Variants in DPP6 observed in about 807,000 individuals in gnomAD.
The protein encoded by DPP6 is A-type potassium channel modulatory protein DPP6.
DPP6 carries 69 observed loss-of-function variants against 122.6 expected under a neutral mutation model. That is an observed-to-expected ratio of 0.56 (90% confidence interval 0.46 to 0.69). The LOEUF is 0.69. Ranked by LOEUF, DPP6 falls within the 30% of genes least tolerant of loss-of-function variation. The probability of loss-of-function intolerance (pLI) is 0.00; values close to 1 mark genes in which losing one functional copy is unlikely to be tolerated. For synonymous variants in DPP6, 418 were observed against 433.1 expected (o/e 0.97, Z 0.43); for missense variants, 928 against 1,116.9 (o/e 0.83, Z 2.41).
chr7:154,331,239 A>G (rs1563492382), intron 1 of DPP6, among the ~76,000 whole-genome samples: 2 of 152,150 alleles, frequency 1.3e-5, no homozygotes, highest in Non-Finnish European at 2.9e-5. Flanking sequence ...TCATTCATCT[A>G]TCATTACCTC....
chr7:154,271,373 C>T (rs1803779389), intron 1 of DPP6, among the ~76,000 whole-genome samples: 1 of 152,046 alleles, frequency 6.6e-6, no homozygotes, highest in East Asian at 1.9e-4. Context: ...GAGGAAGAGC[C>T]TATTGAAATC....
At chr7:153,946,117 C>T (rs1801937139) in intron 1 of DPP6, among the ~76,000 whole-genome samples, 1 of 152,196 alleles carries the variant, frequency 6.6e-6, no homozygotes, top group Non-Finnish European at 1.5e-5. Context: ...GAAAGGGGTC[C>T]AGTCCAGACC....
At chr7:153,984,169 G>T (rs1379524615) in intron 1 of DPP6, among the ~76,000 whole-genome samples, 2 of 151,992 alleles carry the variant, frequency 1.3e-5, no homozygotes, top group African/African-American at 4.8e-5. Flanking sequence ...CAGCAAATTT[G>T]TGGGTATCCC....
chr7:154,383,320 A>G (rs1813791113), intron 1 of DPP6, among the ~76,000 whole-genome samples: 1 of 152,200 alleles, frequency 6.6e-6, no homozygotes, highest in Non-Finnish European at 1.5e-5. Context: ...AACTCATAAA[A>G]TACAATTTCC....
chr7:153,872,301 A>G, the DPP6 span, among the ~76,000 whole-genome samples: 3 of 152,272 alleles, frequency 2.0e-5, no homozygotes, highest in African/African-American at 7.2e-5. Flanking sequence ...GTGCACTTAT[A>G]TCTTGTATAT....
chr7:154,417,971 C>T (rs988736870), intron 1 of DPP6, among the ~76,000 whole-genome samples: 3 of 152,198 alleles, frequency 2.0e-5, no homozygotes, highest in African/African-American at 7.2e-5. Flanking sequence ...GGCCAAAACC[C>T]TTTCACAAGA....
intron 1 of DPP6, among the ~76,000 whole-genome samples, chr7:154,330,414 C>T (rs1808822457): frequency 6.6e-6 from 1 of 152,080 alleles, no homozygotes; most frequent in Non-Finnish European, 1.5e-5. Flanking sequence ...GACAGGTAAA[C>T]AATTGTCACA....
At chr7:154,889,585 G>T in intron 25 of DPP6, 55 bp downstream of exon 25, 1 of 1,564,812 alleles carries the variant, frequency 6.4e-7, no homozygotes, top group Non-Finnish European at 8.7e-7. Context: ...TCCTTTCATG[G>T]AGAAAGACCT....
rs1468863860 is a variant in DPP6, at chr7:154,727,820, C to T, written c.816C>T (p.Ala272=). The T allele has an allele frequency of 1.9e-6, 3 of 1,613,702 alleles. No homozygotes were observed. The highest frequency in any genetic ancestry group is 2.2e-5 in the South Asian group (2 of 91,048). The change falls in exon 8 of 26, where the codon GCC becomes GCT. Residue 272 remains alanine (A), a synonymous_variant. Transcript: ENST00000377770. ...IYYCAHVGKQ[A]IRVVSTGKEG... Reference sequence around the variant, plus strand: ...ACTGTGCACATGTCGGGAAACAGGCCATCCGTGTGGTCTCCACTGGCAAGG... The same window carrying T: ...ACTGTGCACATGTCGGGAAACAGGCTATCCGTGTGGTCTCCACTGGCAAGG...
the DPP6 span, among the ~76,000 whole-genome samples, chr7:153,874,692 A>G: frequency 6.6e-6 from 1 of 152,248 alleles, no homozygotes; most frequent in Non-Finnish European, 1.5e-5. Flanking sequence ...GTAGAATTAT[A>G]CCATGAAATG....
At chr7:154,668,197 T>TATATATATATATATATA (rs1838288618) in intron 6 of DPP6, among the ~76,000 whole-genome samples, 51 of 36,462 alleles carry the variant, frequency 1.4e-3, no homozygotes, top group African/African-American at 2.4e-3. Flanking sequence ...TGTGTATATT[T>TATATATATATATATATA]TATATATATA....
chr7:154,656,289 TCGG>T lies in DPP6; in HGVS notation c.681-13070_681-13068del. Among the ~76,000 whole-genome samples, 6 of 3,448 alleles carry T rather than the reference TCGG, an allele frequency of 1.7e-3. 2 individuals are homozygous for T. Among genetic ancestry groups the T allele is most frequent in the South Asian group, 7.5e-3 (1 of 134 alleles). The allele number at this position is 3,448 out of a possible 152,430, so 2.3% of individuals were successfully genotyped here. A position where few individuals can be genotyped will look rare whatever the true frequency, so the allele number is the denominator to read the frequency against. On this transcript the variant is annotated intron_variant, in intron 6 of 25. Transcript: ENST00000377770. Reference sequence around the variant, plus strand: ...GGAGAAGGGGCAGTCGAGAGGGAGGTCGGGGGAGAGCTGGGAGAAGGGGCAGTC... The same window carrying T: ...GGAGAAGGGGCAGTCGAGAGGGAGGTGGGAGAGCTGGGAGAAGGGGCAGTC...
intron 7 of DPP6, among the ~76,000 whole-genome samples, chr7:154,689,324 C>A (rs1839808035): frequency 6.6e-6 from 1 of 152,156 alleles, no homozygotes; most frequent in South Asian, 2.1e-4. Flanking sequence ...GGTTTTGTTT[C>A]TTTGGTTGGT....
At chr7:154,770,696 T>C (rs374281421) in intron 9 of DPP6, among the ~76,000 whole-genome samples, 1 of 152,184 alleles carries the variant, frequency 6.6e-6, no homozygotes, top group African/African-American at 2.4e-5. Flanking sequence ...AAGACAGTCA[T>C]GTTCTGACCC....
chr7:154,687,669 A>G (rs1021155268), intron 7 of DPP6, among the ~76,000 whole-genome samples: 12 of 152,150 alleles, frequency 7.9e-5, no homozygotes, highest in African/African-American at 2.4e-4. Flanking sequence ...TTATTTTGAT[A>G]TTCTTTGGCA....
At chr7:154,302,179 C>CA (rs1368191940) in intron 1 of DPP6, among the ~76,000 whole-genome samples, 1 of 152,130 alleles carries the variant, frequency 6.6e-6, no homozygotes, top group Non-Finnish European at 1.5e-5. Flanking sequence ...AGCAACTCCT[C>CA]ACCTCCCGCT....
chr7:154,749,140 G>A (rs192461680), intron 8 of DPP6, among the ~76,000 whole-genome samples: 6 of 148,450 alleles, frequency 4.0e-5, no homozygotes, highest in Non-Finnish European at 5.9e-5. Flanking sequence ...GAAGGATGGC[G>A]GCTTTACTGA....
intron 1 of DPP6, among the ~76,000 whole-genome samples, chr7:153,980,960 C>T (rs1267375233): frequency 6.6e-6 from 1 of 152,098 alleles, no homozygotes; most frequent in Non-Finnish European, 1.5e-5. Context: ...GAGCGTTTTA[C>T]TCCAATTATG....
the DPP6 span, among the ~76,000 whole-genome samples, chr7:153,835,393 T>C: frequency 6.6e-6 from 1 of 151,018 alleles, no homozygotes; most frequent in East Asian, 1.9e-4. Context: ...TTTATGACTG[T>C]GTGGAAAAAA....
Sources: allele counts gnomAD v4.1 joint callset (sites outside exome capture counted in the v4.1 genomes callset), GRCh38; gene constraint gnomAD v4.1.1; transcripts MANE v1.5; gene names NCBI Gene and HGNC (gene_info 2026-07-23, HGNC 2026-07-21).